CHAT: variants seen among roughly 807,000 people sequenced by gnomAD.
CHAT encodes the protein acetyl CoA:choline O-acetyltransferase.
Under a neutral mutation model 76.9 loss-of-function variants are expected in CHAT, and 61 were observed. The observed-to-expected ratio is 0.79, with a 90% confidence interval of 0.65 to 0.98. The LOEUF (loss-of-function observed/expected upper bound fraction) is 0.98, where lower values mean the gene tolerates loss of function less well. CHAT is among the 50% of genes least tolerant of loss of function. CHAT has a pLI of 0.00. For synonymous variants in CHAT, 407 were observed against 397.4 expected (o/e 1.02, Z -0.29); for missense variants, 946 against 986.9 (o/e 0.96, Z 0.56).
upstream of CHAT, chr10:49,610,358 G>T (rs1264138696): frequency 4.8e-6 from 1 of 206,610 alleles, no homozygotes. Context: ...CTAACGGGCG[G>T]GCAAGCGGGC....
chr10:49,611,374 C>A (rs776734969), upstream of CHAT: 5 of 1,599,588 alleles, frequency 3.1e-6, no homozygotes, highest in Admixed American at 8.3e-5. Flanking sequence ...GGAGCGCAGT[C>A]GTGCACTGGG....
chr10:49,617,779 T>G (rs936450829), intron 2 of CHAT, among the ~76,000 whole-genome samples: 1 of 151,876 alleles, frequency 6.6e-6, no homozygotes, highest in Admixed American at 6.6e-5. Flanking sequence ...ATCAGCTGGG[T>G]TGGGGGCCCA....
intron 7 of CHAT, among the ~76,000 whole-genome samples, chr10:49,639,570 T>C (rs1427685277): frequency 7.1e-6 from 1 of 141,248 alleles, no homozygotes; most frequent in African/African-American, 2.6e-5. Flanking sequence ...CACACACACA[T>C]ATGGGTGTGT....
Position 49,627,610 on chromosome 10 carries a change from C to A in CHAT, c.936C>A (p.Phe312Leu), listed in dbSNP as rs1442234888. 1.2e-6 allele frequency: 2 copies of A among 1,614,096 alleles called. No homozygotes were observed. The highest frequency in any genetic ancestry group is 3.3e-5 in the Admixed American group (2 of 60,022). ...EHVIVACCNQ[F>L]FVLDVVINFR... ...TGTTTGACCTGTTTACCCCACAGTT[C>A]TTTGTCTTGGATGTTGTCATTAATT... The change falls in exon 7 of 15, where the codon TTC becomes TTA. Residue 312 changes from phenylalanine to leucine, a missense_variant and splice_region_variant. Phe to Leu is a conservative substitution (Grantham distance 22). This residue lies in a region of CHAT where 548 missense variants were observed against 516.2 expected (regional missense o/e 1.06). Coordinates refer to ENST00000337653, the MANE Select transcript of CHAT (RefSeq NM_020549.5).
At chr10:49,650,686 AG>A (rs1839848934) in intron 10 of CHAT, among the ~76,000 whole-genome samples, 1 of 152,078 alleles carries the variant, frequency 6.6e-6, no homozygotes, top group South Asian at 2.1e-4. Flanking sequence ...GGTTCTGTGC[AG>A]GGGGTATGGG....
At chr10:49,621,457 T>A (rs988560544) in intron 4 of CHAT, among the ~76,000 whole-genome samples, 36 of 152,200 alleles carry the variant, frequency 2.4e-4, no homozygotes, top group African/African-American at 8.4e-4. Flanking sequence ...CCTGGTGCAA[T>A]TAAGCCAGGC....
intron 10 of CHAT, among the ~76,000 whole-genome samples, chr10:49,650,739 G>A (rs1252463883): frequency 6.6e-6 from 1 of 152,178 alleles, no homozygotes; most frequent in African/African-American, 2.4e-5. Context: ...ATGTGAGCAG[G>A]ACAGAGTGTG....
intron 8 of CHAT, among the ~76,000 whole-genome samples, chr10:49,647,405 C>A (rs1006357202): frequency 1.3e-5 from 2 of 152,312 alleles, no homozygotes; most frequent in South Asian, 4.1e-4. Flanking sequence ...AAAGTCACTA[C>A]ACTTTTATAT....
At position 49,632,798 on chromosome 10, in the gene CHAT, C is replaced by T. The variant is rs921411259; in HGVS notation, c.1111+5013C>T. 2.6e-5 allele frequency among the ~76,000 whole-genome samples: 4 copies of T among 152,228 alleles called. 1 individual carries two copies. The highest frequency in any genetic ancestry group is 5.9e-5 in the Non-Finnish European group (4 of 68,040). On this transcript the variant is annotated intron_variant, in intron 7 of 14. Coordinates refer to ENST00000337653, the MANE Select transcript of CHAT (RefSeq NM_020549.5). ...GTGAGCCCCAGGCTGCTTAGCCTGA[C>T]CCTCTGCCACGACACTGAGGGCATG... is the stretch of plus-strand genomic sequence containing the variant.
chr10:49,627,071 T>C (rs1838947358), intron 6 of CHAT, among the ~76,000 whole-genome samples: 1 of 152,234 alleles, frequency 6.6e-6, no homozygotes, highest in Non-Finnish European at 1.5e-5. Flanking sequence ...CTCTTTTCAA[T>C]GGCTGGGTAG....
chr10:49,654,131 G>T (rs1839962042), intron 11 of CHAT, among the ~76,000 whole-genome samples: 2 of 152,250 alleles, frequency 1.3e-5, no homozygotes, highest in African/African-American at 4.8e-5. Context: ...GGCCAGTGAT[G>T]GTGTTTGCCT....
chr10:49,616,852 G>A (rs571052960), intron 2 of CHAT, among the ~76,000 whole-genome samples: 79 of 152,318 alleles, frequency 5.2e-4, no homozygotes, highest in African/African-American at 1.9e-3. Flanking sequence ...CCCCTGGCCA[G>A]GCTAGGCCCT....
chr10:49,643,647 C>T (rs1839561480), intron 7 of CHAT, among the ~76,000 whole-genome samples: 1 of 152,170 alleles, frequency 6.6e-6, no homozygotes, highest in Non-Finnish European at 1.5e-5. Context: ...ACCCCCACTC[C>T]CCCATCAATT....
chr10:49,612,239 G>A, upstream of CHAT: 1 of 1,609,782 alleles, frequency 6.2e-7, no homozygotes, highest in Non-Finnish European at 8.5e-7. Flanking sequence ...GTGCGCCTGC[G>A]TGAGCGTCCT....
At chr10:49,610,364 C>G (rs1013506794), upstream of CHAT, 2 of 212,564 alleles carry the variant, frequency 9.4e-6, no homozygotes, top group African/African-American at 2.3e-5. Context: ...GGCGGGCAAG[C>G]GGGCGGGCGG....
At chr10:49,615,330 G>T (rs1016323387) in intron 1 of CHAT, among the ~76,000 whole-genome samples, 1 of 152,248 alleles carries the variant, frequency 6.6e-6, no homozygotes, top group Non-Finnish European at 1.5e-5. Context: ...CAGCCCCTAC[G>T]AACCCACAGC....
intron 5 of CHAT, among the ~76,000 whole-genome samples, chr10:49,625,229 C>A (rs1287409284): frequency 6.6e-6 from 1 of 152,158 alleles, no homozygotes; most frequent in Non-Finnish European, 1.5e-5. Context: ...AACTGGCAGG[C>A]TTTGCACATG....
chr10:49,620,411 G>A, intron 3 of CHAT, 84 bp from the exon 4 acceptor site: 1 of 908,402 alleles, frequency 1.1e-6, no homozygotes, highest in Non-Finnish European at 1.8e-6. Context: ...TAATGCTCTG[G>A]TGAAGTGTCC....
At chr10:49,654,357 A>G (rs1839969192) in intron 11 of CHAT, among the ~76,000 whole-genome samples, 1 of 152,232 alleles carries the variant, frequency 6.6e-6, no homozygotes, top group African/African-American at 2.4e-5. Context: ...GCTGGGTGAC[A>G]TTGGGCTGTC....
Sources: gnomAD v4.1 joint callset for allele counts (sites outside exome capture counted in the v4.1 genomes callset) on GRCh38, gnomAD v4.1.1 for gene constraint, gnomAD v4.1.1 regional missense constraint, MANE v1.5 for transcripts, NCBI Gene and HGNC (gene_info 2026-07-23, HGNC 2026-07-21) for gene names.